Variants in BCL6 observed in about 807,000 individuals in gnomAD.
BCL6 encodes B-cell lymphoma 6 protein.
Under a neutral mutation model 59.5 loss-of-function variants are expected in BCL6, and 7 were observed. That is an observed-to-expected ratio of 0.12 (90% confidence interval 0.07 to 0.22). The LOEUF (loss-of-function observed/expected upper bound fraction) is 0.22. BCL6 is among the 10% of genes least tolerant of loss of function. The probability of loss-of-function intolerance (pLI) is 1.00; values close to 1 mark genes in which losing one functional copy is unlikely to be tolerated. For missense variants in BCL6, 685 were observed against 939.4 expected (o/e 0.73, Z 3.54); for synonymous variants, 339 against 349.7 (o/e 0.97, Z 0.34).
chr3:187,743,710 C>T (rs1488326360), intron 1 of BCL6, among the ~76,000 whole-genome samples: 1 of 151,926 alleles, frequency 6.6e-6, no homozygotes, highest in Non-Finnish European at 1.5e-5. Flanking sequence ...CGGGGTGGCC[C>T]CTAGCTCCTG....
chr3:187,729,921 C>T lies in BCL6; in HGVS notation c.484G>A (p.Val162Met). 1 of 1,614,104 alleles carries T rather than the reference C, an allele frequency of 6.2e-7. No homozygotes were observed. Among genetic ancestry groups the T allele is most frequent in the Non-Finnish European group, 8.5e-7 (1 of 1,179,996 alleles). The change falls in exon 5 of 10, where the codon GTG (valine) becomes ATG (methionine). Residue 162 changes from valine to methionine, a missense_variant. By Grantham distance (21) the Val-to-Met change is conservative (BLOSUM62 1). Coordinates refer to ENST00000406870, the MANE Select transcript of BCL6 (RefSeq NM_001706.5). This position sits in a 1 kb window ranked among gnomAD's most constrained non-coding sequence, Gnocchi z 5.6. ...QDIMAYRGREVVENNLPLRSA... is the reference protein window; with the variant it reads ...QDIMAYRGREMVENNLPLRSA... ...CTCAGTGGCAGGTTGTTCTCCACCA[C>T]CTCACGACCCCGATAGGCCATGATG...
Position 187,729,723 on chromosome 3 carries a change from G to A in BCL6, c.682C>T (p.Arg228Trp), listed in dbSNP as rs371023739. The change falls in exon 5 of 10, where the codon CGG (arginine) becomes TGG (tryptophan). Residue 228 changes from arginine to tryptophan, a missense_variant. This residue lies in a region of BCL6 where 268 missense variants were observed against 263.8 expected (regional missense o/e 1.02). Coordinates refer to ENST00000406870, the MANE Select transcript of BCL6 (RefSeq NM_001706.5). This position sits in a 1 kb window ranked among gnomAD's most constrained non-coding sequence, Gnocchi z 5.6. ...CTGGCACTATCACATGGGAGTGCCC[G>A]CTCCTTGGGGAAGGGGTTGGCCACA... The part of the protein sequence containing the change: ...MPVANPFPKE[R>W]ALPCDSARPV... 34 of 1,614,016 alleles carry A rather than the reference G, an allele frequency of 2.1e-5. No individual in the cohort carries two copies. The highest frequency in any genetic ancestry group is 8.3e-5 in the Admixed American group (5 of 60,006).
chr3:187,726,514 G>C (rs1458518586), intron 7 of BCL6, among the ~76,000 whole-genome samples: 1 of 152,218 alleles, frequency 6.6e-6, no homozygotes, highest in African/African-American at 2.4e-5. Flanking sequence ...GCAGGATAGA[G>C]CATCTCAGAG....
At chr3:187,735,327 A>C (rs1487432908) in intron 1 of BCL6, among the ~76,000 whole-genome samples, 1 of 152,216 alleles carries the variant, frequency 6.6e-6, no homozygotes, top group East Asian at 1.9e-4. Context: ...AACCTGCTAA[A>C]ATATTATCTT....
intron 3 of BCL6, 40 bp from the exon 4 acceptor site, chr3:187,731,970 G>A (rs200207087): frequency 4.0e-5 from 62 of 1,544,574 alleles, no homozygotes; most frequent in Non-Finnish European, 4.8e-5. Context: ...TAGACATATC[G>A]AATCTGTGAT....
chr3:187,722,849 C>T (rs1718495431), intron 9 of BCL6, among the ~76,000 whole-genome samples: 2 of 152,188 alleles, frequency 1.3e-5, no homozygotes, highest in South Asian at 2.1e-4. Context: ...TCCTTCCCTG[C>T]CTTAACTCCA....
chr3:187,721,471 G>T lies in BCL6; in HGVS notation c.*987C>A. On this transcript the variant is annotated 3_prime_UTR_variant, in exon 10 of 10. Coordinates refer to ENST00000406870, the MANE Select transcript of BCL6 (RefSeq NM_001706.5). This position sits in a 1 kb window ranked among gnomAD's most constrained non-coding sequence, Gnocchi z 4.2. ...TAGACACAGCCAAACCCTGTCTCCG[G>T]AGTAGTTATAACACAAGCATGACGC... 1 of 232,832 alleles carries T rather than the reference G, an allele frequency of 4.3e-6. No homozygotes were observed. Among genetic ancestry groups the T allele is most frequent in the Non-Finnish European group, 8.5e-6 (1 of 117,462 alleles). 14.4% of individuals were successfully genotyped at this position (232,832 alleles called of 1,614,324 possible).
chr3:187,744,733 C>T lies in BCL6; in HGVS notation c.-50+677G>A, dbSNP rs76288334. 6.7e-3 allele frequency among the ~76,000 whole-genome samples: 1,022 copies of T among 151,708 alleles called. 6 individuals are homozygous for T. The highest frequency in any genetic ancestry group is 0.011 in the Non-Finnish European group (767 of 67,940). ...CCTCCCTTTTTGCCTCCCGGAGTTA[C>T]CCAGAAGGACAGGGGAAGGGAAGGA... On this transcript the variant is annotated intron_variant, in intron 1 of 9. Coordinates refer to ENST00000406870, the MANE Select transcript of BCL6 (RefSeq NM_001706.5).
intron 1 of BCL6, 91 bp downstream of exon 1, chr3:187,745,319 C>T (rs757654473): frequency 2.5e-5 from 10 of 400,976 alleles, no homozygotes; most frequent in Middle Eastern, 5.0e-4. Flanking sequence ...AAATAATGAT[C>T]ATGAGCAGCG....
intron 1 of BCL6, among the ~76,000 whole-genome samples, chr3:187,743,993 T>C (rs1711740148): frequency 6.6e-6 from 1 of 152,118 alleles, no homozygotes; most frequent in Admixed American, 6.5e-5. Context: ...TCCTGAGTCT[T>C]GCACATAAGG....
At position 187,732,869 on chromosome 3, in the gene BCL6, T is replaced by C. The variant is rs543014321; in HGVS notation, c.161+664A>G. Among the ~76,000 whole-genome samples the C allele has an allele frequency of 2.6e-5, 4 of 152,372 alleles. No homozygotes were observed. The South Asian group carries it at 8.3e-4, about 32-fold the overall frequency. ...TCAGGTGCTTAGAGTAGATGTTGGA[T>C]AAGTTTTCAAATAGCAATAGAGATC... On this transcript the variant is annotated intron_variant, in intron 3 of 9. Coordinates refer to ENST00000406870, the MANE Select transcript of BCL6 (RefSeq NM_001706.5).
intron 1 of BCL6, chr3:187,737,840 T>A (rs1293558895): frequency 7.2e-6 from 1 of 138,194 alleles, no homozygotes; most frequent in Non-Finnish European, 1.5e-5. Flanking sequence ...TCCCGGAACG[T>A]AGTCAATCTC....
intron 4 of BCL6, 105 bp from the exon 5 acceptor site, chr3:187,730,126 A>T (rs1718968213): frequency 7.7e-6 from 11 of 1,433,424 alleles, no homozygotes; most frequent in Non-Finnish European, 9.3e-6. Flanking sequence ...TGAATTAGCT[A>T]GACATAGGTG....
Position 187,729,679 on chromosome 3 carries a change from G to A in BCL6, c.726C>T (p.Tyr242=), listed in dbSNP as rs765963740. 1 of 1,614,148 alleles carries A rather than the reference G, an allele frequency of 6.2e-7. No homozygotes were observed. The highest frequency in any genetic ancestry group is 1.1e-5 in the South Asian group (1 of 91,072). Residue 242 remains tyrosine (Y), a synonymous_variant, in exon 5 of 10, where the codon TAC becomes TAT. Coordinates refer to ENST00000406870, the MANE Select transcript of BCL6 (RefSeq NM_001706.5). The surrounding 1 kb of genome is among the most constrained non-coding windows in gnomAD (Gnocchi z 5.6). ...GGGACACCTCCAAAGTCGGCCGGCT[G>A]TACTCACCAGGGACTGGCCTGGCAC... ...CDSARPVPGE[Y]SRPTLEVSPN...
chr3:187,744,964 A>C (rs1711849261), intron 1 of BCL6, among the ~76,000 whole-genome samples: 1 of 151,994 alleles, frequency 6.6e-6, no homozygotes, highest in African/African-American at 2.4e-5. Flanking sequence ...CCCCCAGACT[A>C]GCCCGAATCA....
chr3:187,726,750 G>T lies in BCL6; in HGVS notation c.1689C>A (p.Ser563Arg). The T allele has an allele frequency of 6.2e-7, 1 of 1,613,926 alleles. No homozygotes were observed. The highest frequency in any genetic ancestry group is 8.5e-7 in the Non-Finnish European group (1 of 1,179,950). Residue 563 changes from serine (S) to arginine (R), a missense_variant, in exon 7 of 10, where the codon AGC becomes AGA. By Grantham distance (110) the Ser-to-Arg change is moderately radical. Transcript: ENST00000406870. ...ASFRYKGNLASHKTVHTGEKP... is the reference protein window; with the variant it reads ...ASFRYKGNLARHKTVHTGEKP... Reference sequence around the variant, plus strand: ...CCATACCGGTATGGACGGTCTTGTGGCTGGCGAGGTTGCCCTTGTAGCGGA... The same window carrying T: ...CCATACCGGTATGGACGGTCTTGTGTCTGGCGAGGTTGCCCTTGTAGCGGA...
At chr3:187,744,654 A>T (rs537316684) in intron 1 of BCL6, among the ~76,000 whole-genome samples, 3 of 152,220 alleles carry the variant, frequency 2.0e-5, no homozygotes, top group South Asian at 2.1e-4. Context: ...AAGGCAGGGA[A>T]TCTAAAAGAC....
chr3:187,737,477 C>T (rs1254276982), intron 1 of BCL6: 2 of 152,564 alleles, frequency 1.3e-5, no homozygotes, highest in Non-Finnish European at 2.9e-5. Context: ...CCTCCCTCCT[C>T]CCCTGGGCTG....
At chr3:187,739,598 C>T (rs1711521972) in intron 1 of BCL6, among the ~76,000 whole-genome samples, 1 of 152,222 alleles carries the variant, frequency 6.6e-6, no homozygotes, top group African/African-American at 2.4e-5. Context: ...AGCCTGCAAG[C>T]TTCTAGGAAA....
Sources: gnomAD v4.1 joint callset for allele counts (sites outside exome capture counted in the v4.1 genomes callset) on GRCh38, gnomAD v4.1.1 for gene constraint, gnomAD v4.1.1 regional missense constraint, Gnocchi (gnomAD v3.1) non-coding constraint, MANE v1.5 for transcripts, NCBI Gene and HGNC (gene_info 2026-07-23, HGNC 2026-07-21) for gene names.